Variants in BTBD9 observed in about 807,000 individuals in gnomAD.
BTBD9 encodes the protein BTB domain containing 9.
BTBD9 carries 49 observed loss-of-function variants against 64.3 expected under a neutral mutation model. The ratio of observed to expected loss-of-function variants is 0.76; its 90% CI spans 0.61 to 0.97. The LOEUF (loss-of-function observed/expected upper bound fraction) is 0.97. Ranked by LOEUF, BTBD9 falls within the 50% of genes least tolerant of loss-of-function variation. The pLI, the probability that BTBD9 is intolerant of heterozygous loss-of-function variation, is 0.00. For missense variants in BTBD9, 598 were observed against 762.1 expected (o/e 0.78, Z 2.53); for synonymous variants, 260 against 274.7 (o/e 0.95, Z 0.53).
chr6:38,318,634 C>T (rs564832746), intron 7 of BTBD9, among the ~76,000 whole-genome samples: 2 of 152,234 alleles, frequency 1.3e-5, no homozygotes, highest in Admixed American at 6.5e-5. Context: ...TAGTCTCTCT[C>T]TCCCTCTCTG....
chr6:38,580,413 A>G lies in BTBD9; in HGVS notation c.839T>C (p.Met280Thr), dbSNP rs1562370342. The G allele has an allele frequency of 6.2e-7, 1 of 1,614,130 alleles. No individual in the cohort carries two copies. Among genetic ancestry groups the G allele is most frequent in the Non-Finnish European group, 8.5e-7 (1 of 1,179,940 alleles). ...MLIPEENIAT[M>T]KYGAQVVKGE... ...CTTTACAACTTGGGCTCCATACTTC[A>G]TAGTTGCAATGTTTTCTTCTGGTAC... Residue 280 changes from methionine (M) to threonine (T), a missense_variant, in exon 5 of 11, where the codon ATG becomes ACG. By Grantham distance (81) the Met-to-Thr change is moderately conservative (BLOSUM62 -1). Transcript: ENST00000481247.
intron 6 of BTBD9, among the ~76,000 whole-genome samples, chr6:38,521,089 G>A (rs979462854): frequency 4.6e-5 from 7 of 151,202 alleles, no homozygotes; most frequent in South Asian, 4.2e-4. Flanking sequence ...AGTTAAGATC[G>A]TGACCTTACA....
chr6:38,379,116 T>C (rs1437659875), intron 6 of BTBD9, among the ~76,000 whole-genome samples: 1 of 152,148 alleles, frequency 6.6e-6, no homozygotes, highest in Non-Finnish European at 1.5e-5. Flanking sequence ...CGGTAGCAGT[T>C]TGGATTTTAA....
At chr6:38,336,221 G>A (rs1463805780) in intron 7 of BTBD9, among the ~76,000 whole-genome samples, 1 of 152,100 alleles carries the variant, frequency 6.6e-6, no homozygotes, top group African/African-American at 2.4e-5. Flanking sequence ...GGAGTGGGTC[G>A]GAAATAAGCT....
chr6:38,505,288 C>A (rs912490103), intron 6 of BTBD9, among the ~76,000 whole-genome samples: 9 of 152,148 alleles, frequency 5.9e-5, no homozygotes, highest in Admixed American at 5.9e-4. Context: ...CTAATTTCCA[C>A]GTGTCTACAT....
intron 6 of BTBD9, among the ~76,000 whole-genome samples, chr6:38,365,839 A>G (rs1324023922): frequency 6.6e-6 from 1 of 152,170 alleles, no homozygotes; most frequent in Non-Finnish European, 1.5e-5. Context: ...TGCATGGTCC[A>G]CAATAAATAA....
chr6:38,616,598 G>T (rs550183744), intron 1 of BTBD9, among the ~76,000 whole-genome samples: 1 of 152,098 alleles, frequency 6.6e-6, no homozygotes, highest in Non-Finnish European at 1.5e-5. Context: ...CTTACAAGAG[G>T]ATTGTAAATT....
chr6:38,423,213 C>T (rs1280737852), intron 6 of BTBD9, among the ~76,000 whole-genome samples: 9 of 152,070 alleles, frequency 5.9e-5, no homozygotes, highest in Admixed American at 3.9e-4. Context: ...TGCAGTGAGT[C>T]AAGATCTCTC....
chr6:38,539,051 C>A (rs1430087539), intron 6 of BTBD9, among the ~76,000 whole-genome samples: 1 of 152,054 alleles, frequency 6.6e-6, no homozygotes, highest in East Asian at 1.9e-4. Flanking sequence ...AGTGATTCAC[C>A]GACCTCAGCC....
intron 7 of BTBD9, among the ~76,000 whole-genome samples, chr6:38,303,915 G>GTGTATA (rs1554137179): frequency 3.1e-5 from 4 of 128,968 alleles, no homozygotes; most frequent in African/African-American, 1.1e-4. Context: ...GTATATATGT[G>GTGTATA]TATATATATA....
At chr6:38,420,570 A>T (rs1767856968) in intron 6 of BTBD9, among the ~76,000 whole-genome samples, 1 of 152,078 alleles carries the variant, frequency 6.6e-6, no homozygotes, top group South Asian at 2.1e-4. Context: ...TAATAATAAC[A>T]TCCTAGGCCG....
intron 6 of BTBD9, among the ~76,000 whole-genome samples, chr6:38,486,120 T>G (rs931930986): frequency 6.6e-6 from 1 of 152,214 alleles, no homozygotes. Context: ...AGCTTTTGTT[T>G]TGCACCTTCC....
intron 10 of BTBD9, among the ~76,000 whole-genome samples, chr6:38,179,185 T>A (rs1341292800): frequency 1.3e-5 from 2 of 152,182 alleles, no homozygotes; most frequent in Non-Finnish European, 2.9e-5. Flanking sequence ...TTTCTTAAAC[T>A]AAAAAAGTTA....
chr6:38,488,642 G>A (rs188445558), intron 6 of BTBD9, among the ~76,000 whole-genome samples: 56 of 152,278 alleles, frequency 3.7e-4, no homozygotes, highest in African/African-American at 1.3e-3. Context: ...TTTTTAAAAC[G>A]TCAGACGAAA....
chr6:38,494,834 G>T (rs1771879107), intron 6 of BTBD9, among the ~76,000 whole-genome samples: 1 of 152,152 alleles, frequency 6.6e-6, no homozygotes, highest in African/African-American at 2.4e-5. Flanking sequence ...AAAAGACATT[G>T]ATTTCTCACA....
intron 6 of BTBD9, among the ~76,000 whole-genome samples, chr6:38,492,155 C>A (rs1771732021): frequency 6.6e-6 from 1 of 152,142 alleles, no homozygotes; most frequent in South Asian, 2.1e-4. Context: ...GAAACAAAGG[C>A]CAGCCTTTCC....
At chr6:38,430,003 C>G (rs965398468) in intron 6 of BTBD9, among the ~76,000 whole-genome samples, 8 of 151,856 alleles carry the variant, frequency 5.3e-5, no homozygotes, top group African/African-American at 1.9e-4. Flanking sequence ...ATTCTCTTAC[C>G]TACCCTGGGC....
At chr6:38,448,532 G>C (rs924609048) in intron 6 of BTBD9, among the ~76,000 whole-genome samples, 13 of 151,640 alleles carry the variant, frequency 8.6e-5, no homozygotes, top group African/African-American at 3.2e-4. Flanking sequence ...CTCTTTTTTT[G>C]AGACAGTCTC....
intron 6 of BTBD9, among the ~76,000 whole-genome samples, chr6:38,385,793 ACTT>A (rs1248400468): frequency 2.5e-5 from 3 of 122,066 alleles, no homozygotes; most frequent in Admixed American, 8.5e-5. Flanking sequence ...ATAATATCAT[ACTT>A]TTTTTTTTTT....
Sources: gnomAD v4.1 joint callset for allele counts (sites outside exome capture counted in the v4.1 genomes callset) on GRCh38, gnomAD v4.1.1 for gene constraint, MANE v1.5 for transcripts, NCBI Gene and HGNC (gene_info 2026-07-23, HGNC 2026-07-21) for gene names.